CYTH3: variants seen among roughly 807,000 people sequenced by gnomAD.
The protein encoded by CYTH3 is cytohesin 3, also known as cytohesin-3.
Under a neutral mutation model 55.1 loss-of-function variants are expected in CYTH3, and 23 were observed. The observed-to-expected ratio is 0.42, with a 90% CI of 0.30 to 0.59. The LOEUF (loss-of-function observed/expected upper bound fraction) is 0.59, where lower values mean the gene tolerates loss of function less well. Among genes scored for constraint, CYTH3 ranks in the 20% least tolerant of loss-of-function variants. CYTH3 has a pLI of 0.20. For missense variants in CYTH3, 413 were observed against 524.8 expected (o/e 0.79, Z 2.08); for synonymous variants, 249 against 194.9 (o/e 1.28, Z -2.31).
chr7:6,245,895 ACT>A (rs1213158527), intron 1 of CYTH3, among the ~76,000 whole-genome samples: 1 of 151,894 alleles, frequency 6.6e-6, no homozygotes, highest in Admixed American at 6.6e-5. Flanking sequence ...CAAGAGTGAA[ACT>A]CTTTTTTATT....
rs950609281 is a variant in CYTH3 at position 6,205,828 on chromosome 7, C to T, written c.35-15297G>A. ...ATTTGAGGCTGCAGTGAGCTATGATCGGGCCACTGCACTCTAACCTGGGTG... is the reference window on the plus strand; with the variant it reads ...ATTTGAGGCTGCAGTGAGCTATGATTGGGCCACTGCACTCTAACCTGGGTG... On this transcript the variant is annotated intron_variant, in intron 1 of 12. Transcript: ENST00000350796. Among the ~76,000 whole-genome samples the T allele has an allele frequency of 4.8e-5, 6 of 124,290 alleles. No individual in the cohort carries two copies. In the Admixed American group the frequency reaches 6.0e-4, roughly 12 times the overall value. 81.5% of individuals were successfully genotyped at this position (124,290 alleles called of 152,430 possible).
intron 1 of CYTH3, among the ~76,000 whole-genome samples, chr7:6,196,973 TTC>T (rs1201381071): frequency 6.6e-6 from 1 of 152,158 alleles, no homozygotes; most frequent in Non-Finnish European, 1.5e-5. Context: ...CGGCATACAT[TTC>T]TGTTTCCTTT....
At chr7:6,174,393 G>A (rs1783278557) in intron 5 of CYTH3, among the ~76,000 whole-genome samples, 1 of 152,088 alleles carries the variant, frequency 6.6e-6, no homozygotes, top group South Asian at 2.1e-4. Context: ...GGGATTACAG[G>A]TGTGAGCCAC....
chr7:6,252,271 G>A (rs1779990428), intron 1 of CYTH3, among the ~76,000 whole-genome samples: 1 of 152,184 alleles, frequency 6.6e-6, no homozygotes, highest in South Asian at 2.1e-4. Flanking sequence ...GTATTTTGAA[G>A]AATCTTTGCC....
intron 1 of CYTH3, 112 bp from the exon 2 acceptor site, chr7:6,190,643 C>G: frequency 2.5e-6 from 2 of 789,096 alleles, no homozygotes; most frequent in South Asian, 4.1e-5. Context: ...GGTATTTATC[C>G]TAAAGAAATG....
In CYTH3 at chr7:6,167,985, TG is replaced by T. The variant is rs1416019953; in HGVS notation, c.824-2176del. On this transcript the variant is annotated intron_variant, in intron 9 of 12. Transcript: ENST00000350796. This position sits in a 1 kb window ranked among gnomAD's most constrained non-coding sequence, Gnocchi z 5.5. Reference sequence around the variant, plus strand: ...CAGGACTGCAGGCCCAGGGAAGGGGTGATAAGCTTGGTCTCAGAGCCGAGCA... The same window carrying T: ...CAGGACTGCAGGCCCAGGGAAGGGGTATAAGCTTGGTCTCAGAGCCGAGCA... Among the ~76,000 whole-genome samples, 6 of 151,998 alleles carry T rather than the reference TG, an allele frequency of 3.9e-5. No homozygotes were observed. Among genetic ancestry groups the T allele is most frequent in the Non-Finnish European group, 8.8e-5 (6 of 67,988 alleles).
chr7:6,249,575 G>T (rs961411095), intron 1 of CYTH3, among the ~76,000 whole-genome samples: 2 of 152,216 alleles, frequency 1.3e-5, no homozygotes, highest in African/African-American at 4.8e-5. Context: ...AGCCCCGTGA[G>T]GGGCTGCCCA....
rs1783121192 is a variant in CYTH3, at chr7:6,169,859, G to C, written c.823+676C>G. Among the ~76,000 whole-genome samples the C allele has an allele frequency of 6.6e-6, 1 of 151,924 alleles. No homozygotes were observed. The highest frequency in any genetic ancestry group is 1.5e-5 in the Non-Finnish European group (1 of 67,972). On this transcript the variant is annotated intron_variant, in intron 9 of 12. Transcript: ENST00000350796. The surrounding 1 kb of genome is among the most constrained non-coding windows in gnomAD (Gnocchi z 4.1). Reference sequence around the variant, plus strand: ...GAGACACAGGGTGGGGGGCAAGTTGGTTCCCACACAGCATCCCCATGTGCT... The same window carrying C: ...GAGACACAGGGTGGGGGGCAAGTTGCTTCCCACACAGCATCCCCATGTGCT...
intron 2 of CYTH3, among the ~76,000 whole-genome samples, chr7:6,188,429 T>C (rs567294537): frequency 2.0e-5 from 3 of 152,070 alleles, no homozygotes; most frequent in South Asian, 2.1e-4. Flanking sequence ...AGCCCTGCCA[T>C]GCAAACAGTT....
At chr7:6,176,804 A>G (rs1441405762) in intron 5 of CYTH3, among the ~76,000 whole-genome samples, 1 of 152,198 alleles carries the variant, frequency 6.6e-6, no homozygotes, top group East Asian at 1.9e-4. Context: ...TCCTGATCTT[A>G]GCAGGAGAGC....
rs370170994 is a variant in CYTH3, at chr7:6,165,256, C to A, written c.1127+17G>T. The A allele has an allele frequency of 5.6e-6, 9 of 1,602,140 alleles. No individual in the cohort carries two copies. Among genetic ancestry groups the A allele is most frequent in the Admixed American group, 1.7e-5 (1 of 58,638 alleles). The stretch of plus-strand genomic sequence containing the variant: ...ACGAGAAGACGGGCCTGGCCCCGCC[C>A]CCGAGGCCCCACTCACTTGATGGAT... On this transcript the variant is annotated intron_variant, in intron 12 of 12. Transcript: ENST00000350796.
intron 4 of CYTH3, among the ~76,000 whole-genome samples, chr7:6,183,683 G>C (rs1783561775): frequency 6.6e-6 from 1 of 152,174 alleles, no homozygotes. Context: ...ATTTTGAGTT[G>C]TGTCTGAAGC....
Position 6,187,066 on chromosome 7 carries a change from T to C in CYTH3, c.233A>G (p.Asn78Ser), listed in dbSNP as rs747394665. Residue 78 changes from asparagine (N) to serine (S), a missense_variant, in exon 4 of 13, where the codon AAC (asparagine) becomes AGC (serine). Physicochemically the swap from Asn to Ser is conservative, Grantham distance 46. Transcript: ENST00000350796. ...KQIAMGRKKFNMDPKKGIQFL... is the reference protein window; with the variant it reads ...KQIAMGRKKFSMDPKKGIQFL... ...TTCTCTTACCTTTTTGGGATCCATG[T>C]TGAATTTCTTTCTTCCCATGGCTAT... 6.2e-7 allele frequency: 1 copy of C among 1,614,182 alleles called. No individual in the cohort carries two copies. The highest frequency in any genetic ancestry group is 8.5e-7 in the Non-Finnish European group (1 of 1,179,992).
At chr7:6,233,842 G>A (rs1583183564) in intron 1 of CYTH3, among the ~76,000 whole-genome samples, 1 of 152,194 alleles carries the variant, frequency 6.6e-6, no homozygotes, top group East Asian at 1.9e-4. Flanking sequence ...GTTCTGGAGG[G>A]TGGGGAGTCC....
In CYTH3 at chr7:6,259,775, T is replaced by TATATA; in HGVS notation, c.34+12694_34+12698dup. ...ATATATATTATATATATATATATTA[T>TATATA]ATATATATAATATATATATATATAT... On this transcript the variant is annotated intron_variant, in intron 1 of 12. Transcript: ENST00000350796. 8.7e-5 allele frequency among the ~76,000 whole-genome samples: 2 copies of TATATA among 23,120 alleles called. 1 individual carries two copies. Among genetic ancestry groups the TATATA allele is most frequent in the East Asian group, 4.3e-3 (2 of 466 alleles). 15.2% of individuals were successfully genotyped at this position (23,120 alleles called of 152,430 possible).
At chr7:6,267,039 G>C (rs1266107162) in intron 1 of CYTH3, among the ~76,000 whole-genome samples, 3 of 152,226 alleles carry the variant, frequency 2.0e-5, no homozygotes, top group African/African-American at 7.2e-5. Flanking sequence ...GCAATAGTGA[G>C]TGAGGACTCC....
chr7:6,230,835 C>T lies in CYTH3; in HGVS notation c.35-40304G>A, dbSNP rs988660938. 1.1e-4 allele frequency among the ~76,000 whole-genome samples: 16 copies of T among 152,062 alleles called. No individual in the cohort carries two copies. In the East Asian group the frequency reaches 1.5e-3, roughly 15 times the overall value. ...GTTATACAAACCAAAAGGTTGATAA[C>T]GGTAGGATTATAGGTAATGTTTATT... On this transcript the variant is annotated intron_variant, in intron 1 of 12. Coordinates refer to ENST00000350796, the MANE Select transcript of CYTH3 (RefSeq NM_004227.4).
At chr7:6,218,806 A>T (rs763405692) in intron 1 of CYTH3, among the ~76,000 whole-genome samples, 1 of 152,114 alleles carries the variant, frequency 6.6e-6, no homozygotes, top group African/African-American at 2.4e-5. Flanking sequence ...GGAGATCGAG[A>T]CCATCCTGGC....
chr7:6,226,520 G>A (rs1448603960), intron 1 of CYTH3, among the ~76,000 whole-genome samples: 1 of 152,224 alleles, frequency 6.6e-6, no homozygotes, highest in Admixed American at 6.5e-5. Context: ...GTCCAGGAAA[G>A]AAGGTGAAGC....
Sources: gnomAD v4.1 joint callset for allele counts (sites outside exome capture counted in the v4.1 genomes callset) on GRCh38, gnomAD v4.1.1 for gene constraint, Gnocchi (gnomAD v3.1) non-coding constraint, MANE v1.5 for transcripts, NCBI Gene and HGNC (gene_info 2026-07-23, HGNC 2026-07-21) for gene names.